ZNG1E: variants seen among roughly 807,000 people sequenced by gnomAD.
ZNG1E encodes the protein zinc-regulated GTPase metalloprotein activator 1E.
At chr9:65,680,063 T>G in the ZNG1E span, among the ~76,000 whole-genome samples, 1 of 152,352 alleles carries the variant, frequency 6.6e-6, no homozygotes, top group South Asian at 2.1e-4. Flanking sequence ...TGTGCTTAAC[T>G]TCTCAACTCA....
chr9:65,666,220 T>G, the ZNG1E span, among the ~76,000 whole-genome samples: 1 of 150,696 alleles, frequency 6.6e-6, no homozygotes, highest in Non-Finnish European at 1.5e-5. Context: ...TGGATTCCCA[T>G]GTATTGTGGG....
chr9:65,664,019 C>T, the ZNG1E span, among the ~76,000 whole-genome samples: 2 of 152,218 alleles, frequency 1.3e-5, no homozygotes, highest in Non-Finnish European at 2.9e-5. Context: ...TATGCCCATG[C>T]ACATACAAGC....
At chr9:65,658,016 T>G in the ZNG1E span, among the ~76,000 whole-genome samples, 3 of 152,174 alleles carry the variant, frequency 2.0e-5, no homozygotes, top group African/African-American at 4.8e-5. Context: ...GGAGAATCAC[T>G]TGAACCTGGG....
At chr9:65,658,675 TA>T in the ZNG1E span, among the ~76,000 whole-genome samples, 1 of 149,080 alleles carries the variant, frequency 6.7e-6, no homozygotes, top group African/African-American at 2.5e-5. Context: ...AGAGCTGCAG[TA>T]ACAAAACACC....
At chr9:65,724,177 AAGAG>A in the ZNG1E span, among the ~76,000 whole-genome samples, 1 of 150,118 alleles carries the variant, frequency 6.7e-6, no homozygotes, top group Non-Finnish European at 1.5e-5. Context: ...CTAACGTGAA[AAGAG>A]TTTATTGGTG....
At chr9:65,675,958 G>A in the ZNG1E span, 1 of 1,609,802 alleles carries the variant, frequency 6.2e-7, no homozygotes, top group Non-Finnish European at 8.5e-7. Context: ...GCTGAGGTAG[G>A]GACGTGCCGT....
chr9:65,703,850 C>T, the ZNG1E span: 1 of 966,452 alleles, frequency 1.0e-6, no homozygotes, highest in Non-Finnish European at 1.2e-6. Flanking sequence ...ATGTGAACAG[C>T]TGGGGAATTA....
At chr9:65,682,297 A>G in the ZNG1E span, 1 of 151,612 alleles carries the variant, frequency 6.6e-6, no homozygotes, top group Non-Finnish European at 1.5e-5. Flanking sequence ...CCAAAATGTA[A>G]TCTATTAAGG....
the ZNG1E span, among the ~76,000 whole-genome samples, chr9:65,710,487 G>C: frequency 2.6e-5 from 4 of 151,234 alleles, no homozygotes; most frequent in African/African-American, 9.8e-5. Context: ...TATGGTTTTA[G>C]GTCAAACGTT....
chr9:65,714,555 G>A, the ZNG1E span, among the ~76,000 whole-genome samples: 5 of 151,878 alleles, frequency 3.3e-5, no homozygotes, highest in South Asian at 2.1e-4. Flanking sequence ...TGTACAGATG[G>A]GTTTTTGGTG....
At chr9:65,686,454 G>C in the ZNG1E span, among the ~76,000 whole-genome samples, 1 of 152,244 alleles carries the variant, frequency 6.6e-6, no homozygotes, top group East Asian at 1.9e-4. Flanking sequence ...GGCCAACATA[G>C]TGAAACCCCA....
the ZNG1E span, among the ~76,000 whole-genome samples, chr9:65,664,775 C>T: frequency 6.6e-6 from 1 of 152,192 alleles, no homozygotes; most frequent in Non-Finnish European, 1.5e-5. Context: ...ACGACTTTGC[C>T]CAAAATGCTG....
chr9:65,679,655 A>G, the ZNG1E span: 3 of 272,808 alleles, frequency 1.1e-5, no homozygotes, highest in Non-Finnish European at 2.1e-5. Flanking sequence ...CCCGGGTTAA[A>G]GTGATTCTCC....
At chr9:65,717,469 C>G in the ZNG1E span, among the ~76,000 whole-genome samples, 1 of 148,850 alleles carries the variant, frequency 6.7e-6, no homozygotes, top group Non-Finnish European at 1.5e-5. Context: ...TCTCGATGAT[C>G]CTTTTCTTCT....
the ZNG1E span, among the ~76,000 whole-genome samples, chr9:65,671,416 T>C: frequency 4.0e-5 from 6 of 151,804 alleles, no homozygotes; most frequent in Non-Finnish European, 8.8e-5. Flanking sequence ...ACCTTTCGGG[T>C]TCAAGCAATT....
At chr9:65,671,605 C>G in the ZNG1E span, among the ~76,000 whole-genome samples, 3 of 152,330 alleles carry the variant, frequency 2.0e-5, no homozygotes, top group Admixed American at 6.5e-5. Flanking sequence ...CAGGCATGAG[C>G]CACTGTGTCT....
At chr9:65,659,745 T>G in the ZNG1E span, among the ~76,000 whole-genome samples, 1 of 152,158 alleles carries the variant, frequency 6.6e-6, no homozygotes, top group African/African-American at 2.4e-5. Context: ...ACAGCTGAAG[T>G]GAAGGACTCC....
the ZNG1E span, chr9:65,733,117 T>C: frequency 6.2e-7 from 1 of 1,612,038 alleles, no homozygotes; most frequent in Non-Finnish European, 8.5e-7. Context: ...CGATTGGTCC[T>C]CATTGGTAAG....
chr9:65,732,821 T>G, the ZNG1E span: 1 of 1,478,148 alleles, frequency 6.8e-7, no homozygotes, highest in Non-Finnish European at 8.9e-7. Flanking sequence ...TTAAAAACAT[T>G]AAGAAACTTC....
Sources: gnomAD v4.1 joint callset for allele counts (sites outside exome capture counted in the v4.1 genomes callset) on GRCh38, gnomAD v4.1.1 for gene constraint, MANE v1.5 for transcripts, NCBI Gene and HGNC (gene_info 2026-07-23, HGNC 2026-07-21) for gene names.